SMPD1: variants seen among roughly 807,000 people sequenced by gnomAD.
The protein encoded by SMPD1 is sphingomyelin phosphodiesterase 1, also known as sphingomyelin phosphodiesterase.
A neutral mutation model predicts 49.7 loss-of-function variants in SMPD1; 47 were observed. That is an observed-to-expected ratio of 0.95 (90% CI 0.75 to 1.21). The LOEUF is 1.21. Among genes scored for constraint, SMPD1 ranks in the 50% most tolerant of loss-of-function variants. The pLI is 0.00. For synonymous variants in SMPD1, 336 were observed against 339.6 expected (o/e 0.99, Z 0.12); for missense variants, 811 against 822.2 (o/e 0.99, Z 0.17).
In SMPD1 at chr11:6,393,883, A is replaced by G. The variant is rs1291820740; in HGVS notation, c.1341-13A>G. 4 of 1,613,914 alleles carry G rather than the reference A, an allele frequency of 2.5e-6. No individual in the cohort carries two copies. The highest frequency in any genetic ancestry group is 1.7e-5 in the Admixed American group (1 of 59,996). ...CTCCCTAGAATCTTCTGAATGTAGTACCTTCTGGCCAGGTATGAGAACACC... is the reference window on the plus strand; with the variant it reads ...CTCCCTAGAATCTTCTGAATGTAGTGCCTTCTGGCCAGGTATGAGAACACC... On this transcript the variant is annotated splice_polypyrimidine_tract_variant and intron_variant, in intron 4 of 5. Transcript: ENST00000342245.
In SMPD1 at chr11:6,391,821, T is replaced by C; in HGVS notation, c.756T>C (p.Cys252=). 6.2e-7 allele frequency: 1 copy of C among 1,613,384 alleles called. No homozygotes were observed. The highest frequency in any genetic ancestry group is 8.5e-7 in the Non-Finnish European group (1 of 1,180,022). Residue 252 remains cysteine (C), a synonymous_variant, in exon 2 of 6, where the codon TGT becomes TGC. Coordinates refer to ENST00000342245, the MANE Select transcript of SMPD1 (RefSeq NM_000543.5). The part of the protein sequence containing the change: ...GAGYWGEYSK[C]DLPLRTLESL... ...GATACTGGGGCGAATACAGCAAGTGTGACCTGCCCCTGAGGACCCTGGAGA... is the reference window on the plus strand; with the variant it reads ...GATACTGGGGCGAATACAGCAAGTGCGACCTGCCCCTGAGGACCCTGGAGA...
chr11:6,392,824 G>A (rs1847995451), intron 2 of SMPD1, among the ~76,000 whole-genome samples: 1 of 151,806 alleles, frequency 6.6e-6, no homozygotes, highest in African/African-American at 2.4e-5. Context: ...CTTATCTCCA[G>A]CCACCCTCCT....
At chr11:6,394,137 T>C (rs761537201) in intron 5 of SMPD1, 61 bp from the exon 6 acceptor site, 7 of 1,613,224 alleles carry the variant, frequency 4.3e-6, no homozygotes, top group Admixed American at 1.7e-5. Flanking sequence ...GCAGGATGTG[T>C]GGCCCCTCCC....
Position 6,394,444 on chromosome 11 carries a change from A to C in SMPD1, c.1733A>C (p.Lys578Thr). The part of the protein sequence containing the change: ...LFQTFWFLYH[K>T]GHPPSEPCGT... ...CAGACCTTCTGGTTTCTCTACCATA[A>C]GGGCCACCCACCCTCGGAGCCCTGT... The change falls in exon 6 of 6, where the codon AAG becomes ACG. Residue 578 changes from lysine (K) to threonine (T), a missense_variant. Lys to Thr is a moderately conservative substitution (Grantham distance 78). Coordinates refer to ENST00000342245, the MANE Select transcript of SMPD1 (RefSeq NM_000543.5). 6.2e-7 allele frequency: 1 copy of C among 1,614,152 alleles called. No homozygotes were observed. Among genetic ancestry groups the C allele is most frequent in the Non-Finnish European group, 8.5e-7 (1 of 1,180,012 alleles).
rs1408088187 is a variant in SMPD1, at chr11:6,391,386, G to T, written c.321G>T (p.Lys107Asn). ...LFTAINLGLK[K>N]EPNVARVGSV... ...ACCATGCGCTCCTCCCACTGCAGAA[G>T]GAACCCAATGTGGCTCGCGTGGGCT... The change falls in exon 2 of 6, where the codon AAG (lysine) becomes AAT (asparagine). Residue 107 changes from lysine (K) to asparagine (N), a missense_variant and splice_region_variant. Coordinates refer to ENST00000342245, the MANE Select transcript of SMPD1 (RefSeq NM_000543.5). The T allele has an allele frequency of 6.2e-7, 1 of 1,612,452 alleles. No homozygotes were observed.
chr11:6,394,612 C>T lies in SMPD1; in HGVS notation c.*5C>T, dbSNP rs761741269. 1 of 1,599,580 alleles carries T rather than the reference C, an allele frequency of 6.3e-7. No homozygotes were observed. ...CCAAGGCCACTGTTTTGCTAGGGCC[C>T]CAGGGCCCACATTTGGGAAAGTTCT... is the stretch of plus-strand genomic sequence containing the variant. On this transcript the variant is annotated 3_prime_UTR_variant, in exon 6 of 6. Coordinates refer to ENST00000342245, the MANE Select transcript of SMPD1 (RefSeq NM_000543.5).
intron 4 of SMPD1, 25 bp downstream of exon 4, chr11:6,393,718 T>C: frequency 2.5e-6 from 4 of 1,600,716 alleles, no homozygotes; most frequent in Non-Finnish European, 3.4e-6. Flanking sequence ...AGGGTGGGAA[T>C]AGGGACAGGG....
In SMPD1 at chr11:6,392,486, C is replaced by CTTTTT. The variant is rs754271358; in HGVS notation, c.1091+355_1091+359dup. On this transcript the variant is annotated intron_variant, in intron 2 of 5. Coordinates refer to ENST00000342245, the MANE Select transcript of SMPD1 (RefSeq NM_000543.5). ...CATCAGCTACTGCTCCTGGCCCTCC[C>CTTTTT]TTTTTTTTTTTTTTTTTTTTTTTTT... Among the ~76,000 whole-genome samples the CTTTTT allele has an allele frequency of 4.4e-4, 20 of 45,748 alleles. 1 individual carries two copies. Among genetic ancestry groups the CTTTTT allele is most frequent in the Non-Finnish European group, 5.1e-4 (14 of 27,350 alleles). The allele number at this position is 45,748 out of a possible 152,430, so 30.0% of individuals were successfully genotyped here. A position where few individuals can be genotyped will look rare whatever the true frequency, so the allele number is the denominator to read the frequency against.
rs1357265115 is a variant in SMPD1, at chr11:6,391,903, G to A, written c.838G>A (p.Asp280Asn). Residue 280 changes from aspartate (D) to asparagine (N), a missense_variant, in exon 2 of 6, where the codon GAC becomes AAC. Coordinates refer to ENST00000342245, the MANE Select transcript of SMPD1 (RefSeq NM_000543.5). Reference protein sequence around the residue: ...GPFDMVYWTGDIPAHDVWHQT... With the variant: ...GPFDMVYWTGNIPAHDVWHQT... Reference sequence around the variant, plus strand: ...TTTTGATATGGTGTACTGGACAGGAGACATCCCCGCACATGATGTCTGGCA... The same window carrying A: ...TTTTGATATGGTGTACTGGACAGGAAACATCCCCGCACATGATGTCTGGCA... 3 of 1,614,092 alleles carry A rather than the reference G, an allele frequency of 1.9e-6. No homozygotes were observed.
rs1189569329 is a variant in SMPD1 at position 6,391,372 on chromosome 11, C to T, written c.319-12C>T. 10 of 1,612,048 alleles carry T rather than the reference C, an allele frequency of 6.2e-6. No homozygotes were observed. The highest frequency in any genetic ancestry group is 7.6e-6 in the Non-Finnish European group (9 of 1,179,850). On this transcript the variant is annotated splice_polypyrimidine_tract_variant and intron_variant, in intron 1 of 5. Transcript: ENST00000342245. ...GCCTCTGATTTCTCACCATGCGCTC[C>T]TCCCACTGCAGAAGGAACCCAATGT...
At chr11:6,391,315 G>A in intron 1 of SMPD1, 69 bp from the exon 2 acceptor site, 5 of 1,522,456 alleles carry the variant, frequency 3.3e-6, no homozygotes, top group Non-Finnish European at 4.5e-6. Context: ...CCAAGGGGTG[G>A]TGGCCAGGGG....
At position 6,391,648 on chromosome 11, in the gene SMPD1, G is replaced by T. The variant is rs767630492; in HGVS notation, c.583G>T (p.Ala195Ser). 2 of 429,688 alleles carry T rather than the reference G, an allele frequency of 4.7e-6. No homozygotes were observed. The highest frequency in any genetic ancestry group is 4.8e-5 in the African/African-American group (1 of 20,896). 26.6% of individuals were successfully genotyped at this position (429,688 alleles called of 1,614,324 possible). The change falls in exon 2 of 6, where the codon GCC becomes TCC. Residue 195 changes from alanine to serine, a missense_variant. Physicochemically the swap from Ala to Ser is moderately conservative, Grantham distance 99. Transcript: ENST00000342245. Reference sequence around the variant, plus strand: ...GCCCCCCAAACCCCCTAGCCCCCCAGCCCCAGGTGCCCCTGTCAGCCGCAT... The same window carrying T: ...GCCCCCCAAACCCCCTAGCCCCCCATCCCCAGGTGCCCCTGTCAGCCGCAT... ...KPPPKPPSPP[A>S]PGAPVSRILF...
intron 3 of SMPD1, 74 bp downstream of exon 3, chr11:6,393,461 C>T (rs1354759035): frequency 6.5e-7 from 1 of 1,528,506 alleles, no homozygotes; most frequent in Non-Finnish European, 9.0e-7. Context: ...CACCTCTGGG[C>T]ACAGAAGTTT....
chr11:6,392,281 C>T, intron 2 of SMPD1, 125 bp downstream of exon 2: 1 of 1,010,634 alleles, frequency 9.9e-7, no homozygotes. Context: ...TCATTTGGCT[C>T]CCCTAATCTG....
In SMPD1 at chr11:6,390,675, G is replaced by C; in HGVS notation, c.77G>C (p.Gly26Ala). 1 of 1,612,988 alleles carries C rather than the reference G, an allele frequency of 6.2e-7. No homozygotes were observed. The highest frequency in any genetic ancestry group is 8.5e-7 in the Non-Finnish European group (1 of 1,179,752). Residue 26 changes from glycine (G) to alanine (A), a missense_variant, in exon 1 of 6, where the codon GGA becomes GCA. Physicochemically the swap from Gly to Ala is moderately conservative, Grantham distance 60 (BLOSUM62 0). Coordinates refer to ENST00000342245, the MANE Select transcript of SMPD1 (RefSeq NM_000543.5). ...GAGCAGGGACAAGACGGGACCGCCGGAGCCCCCGGACTCCTTTGGATGGGC... is the reference window on the plus strand; with the variant it reads ...GAGCAGGGACAAGACGGGACCGCCGCAGCCCCCGGACTCCTTTGGATGGGC... ...GREQGQDGTA[G>A]APGLLWMGLV...
In SMPD1 at chr11:6,393,220, G is replaced by A; in HGVS notation, c.1096G>A (p.Gly366Arg). ...CTCATGTTTACTTTGTTTCAGAATT[G>A]GGGGGTTCTATGCTCTTTCCCCATA... ...PAEALRTLRIGGFYALSPYPG... is the reference protein window; with the variant it reads ...PAEALRTLRIRGFYALSPYPG... Residue 366 changes from glycine to arginine, a missense_variant, in exon 3 of 6, where the codon GGG becomes AGG. Gly to Arg is a moderately radical substitution (Grantham distance 125). Transcript: ENST00000342245. 6.2e-7 allele frequency: 1 copy of A among 1,613,332 alleles called. No homozygotes were observed. Among genetic ancestry groups the A allele is most frequent in the African/African-American group, 1.3e-5 (1 of 75,004 alleles).
intron 1 of SMPD1, 150 bp downstream of exon 1, chr11:6,391,066 A>T (rs550058154): frequency 9.4e-7 from 1 of 1,060,090 alleles, no homozygotes; most frequent in South Asian, 1.4e-5. Flanking sequence ...CCCTTTGGGG[A>T]CACCCATGGC....
Position 6,393,380 on chromosome 11 carries a change from G to A in SMPD1, c.1256G>A (p.Gly419Glu). 1 of 1,612,484 alleles carries A rather than the reference G, an allele frequency of 6.2e-7. No homozygotes were observed. Among genetic ancestry groups the A allele is most frequent in the Non-Finnish European group, 8.5e-7 (1 of 1,178,882 alleles). ...VGELQAAEDRGDKVHIIGHIP... is the reference protein window; with the variant it reads ...VGELQAAEDREDKVHIIGHIP... Reference sequence around the variant, plus strand: ...GAGCTTCAGGCTGCTGAGGATCGAGGAGACAAAGTGAGGGCCAGTAGTGGG... The same window carrying A: ...GAGCTTCAGGCTGCTGAGGATCGAGAAGACAAAGTGAGGGCCAGTAGTGGG... Residue 419 changes from glycine (G) to glutamate (E), a missense_variant, in exon 3 of 6, where the codon GGA becomes GAA. Coordinates refer to ENST00000342245, the MANE Select transcript of SMPD1 (RefSeq NM_000543.5).
At position 6,391,783 on chromosome 11, in the gene SMPD1, C is replaced by T. The variant is rs927191965; in HGVS notation, c.718C>T (p.Arg240Trp). 1.4e-5 allele frequency: 22 copies of T among 1,612,360 alleles called. No homozygotes were observed. Among genetic ancestry groups the T allele is most frequent in the Non-Finnish European group, 1.8e-5 (21 of 1,180,032 alleles). Residue 240 changes from arginine to tryptophan, a missense_variant, in exon 2 of 6, where the codon CGG becomes TGG. By Grantham distance (101) the Arg-to-Trp change is moderately radical. Transcript: ENST00000342245. ...RRGSGLPPAS[R>W]PGAGYWGEYS... ...GGGTTCTGGCCTGCCGCCCGCATCC[C>T]GGCCAGGTGCCGGATACTGGGGCGA...
Sources: allele counts gnomAD v4.1 joint callset (sites outside exome capture counted in the v4.1 genomes callset), GRCh38; gene constraint gnomAD v4.1.1; transcripts MANE v1.5; gene names NCBI Gene and HGNC (gene_info 2026-07-23, HGNC 2026-07-21).